ACSM1: variants seen among roughly 807,000 people sequenced by gnomAD.
The protein encoded by ACSM1 is acyl-CoA synthetase medium chain family member 1, also known as acyl-coenzyme A synthetase ACSM1, mitochondrial.
A neutral mutation model predicts 75.8 loss-of-function variants in ACSM1; 79 were observed. The ratio of observed to expected loss-of-function variants is 1.04; its 90% confidence interval spans 0.87 to 1.26. The LOEUF (loss-of-function observed/expected upper bound fraction) is 1.26, where lower values mean the gene tolerates loss of function less well. Among genes scored for constraint, ACSM1 ranks in the 50% most tolerant of loss-of-function variants. The pLI is 0.00. For missense variants in ACSM1, 676 were observed against 720.1 expected, an observed-to-expected ratio of 0.94 and a Z score of 0.70; for synonymous variants, 279 against 265.8, an observed-to-expected ratio of 1.05 and a Z score of -0.48.
At chr16:20,669,296 T>G (rs2019747253) in intron 6 of ACSM1, among the ~76,000 whole-genome samples, 2 of 152,110 alleles carry the variant, frequency 1.3e-5, no homozygotes, top group Non-Finnish European at 2.9e-5. Context: ...GAGGTAGTAA[T>G]TATTAAAAGA....
At chr16:20,655,163 C>G (rs1295016290) in intron 7 of ACSM1, among the ~76,000 whole-genome samples, 1 of 149,168 alleles carries the variant, frequency 6.7e-6, no homozygotes, top group Non-Finnish European at 1.5e-5. Flanking sequence ...AAACCAAACA[C>G]TGCATGTTCT....
chr16:20,635,726 G>A (rs1409809196), intron 10 of ACSM1, among the ~76,000 whole-genome samples: 3 of 151,586 alleles, frequency 2.0e-5, no homozygotes, highest in South Asian at 2.1e-4. Flanking sequence ...TGCAACCTCC[G>A]CCTCCCGGGT....
chr16:20,692,215 G>A (rs2079660648), intron 1 of ACSM1, among the ~76,000 whole-genome samples: 1 of 152,190 alleles, frequency 6.6e-6, no homozygotes, highest in East Asian at 1.9e-4. Flanking sequence ...GAGTGAACCT[G>A]GCCCGTGACA....
rs906549091 is a variant in ACSM1 at position 20,685,184 on chromosome 16, A to C, written c.403+9T>G. ...CCGAGGTCCACCAGGTCCCTCTTGC[A>C]TCACTGACCTGTTCGCATGCAGCCC... is the stretch of plus-strand genomic sequence containing the variant. On this transcript the variant is annotated intron_variant, in intron 3 of 13. Transcript: ENST00000520010. 1 of 1,614,166 alleles carries C rather than the reference A, an allele frequency of 6.2e-7. No homozygotes were observed. Among genetic ancestry groups the C allele is most frequent in the Non-Finnish European group, 8.5e-7 (1 of 1,180,018 alleles).
intron 7 of ACSM1, among the ~76,000 whole-genome samples, chr16:20,654,529 A>T (rs231926): frequency 0.08 from 12,178 of 152,318 alleles, 640 homozygotes; most frequent in East Asian, 0.21. Context: ...TCCAGAATCT[A>T]CAAACAACTC....
rs2018484718 is a variant in ACSM1 at position 20,648,704 on chromosome 16, G to C, written c.993-8120C>G. Among the ~76,000 whole-genome samples the C allele has an allele frequency of 6.6e-6, 1 of 152,102 alleles. No individual in the cohort carries two copies. ...CTAACCCTCTCTTTTATTGATTCCA[G>C]GTCTTTAGATAAACTCAACCAACTG... On this transcript the variant is annotated intron_variant, in intron 7 of 13. Coordinates refer to ENST00000520010, the MANE Select transcript of ACSM1 (RefSeq NM_001318890.3). This position sits in a 1 kb window ranked among gnomAD's most constrained non-coding sequence, Gnocchi z 4.2.
rs200490565 is a variant in ACSM1, at chr16:20,691,107, G to A, written c.82C>T (p.Arg28Cys). The part of the protein sequence containing the change: ...HNIHPAPSQL[R>C]CRSLSEFGAP... ...CCAAATTCTGATAAAGACCGGCAGC[G>A]CAGCTGTGAAGGGGCAGGGTGGATG... is the stretch of plus-strand genomic sequence containing the variant. The change falls in exon 2 of 14, where the codon CGC becomes TGC. Residue 28 changes from arginine (R) to cysteine (C), a missense_variant. Coordinates refer to ENST00000520010, the MANE Select transcript of ACSM1 (RefSeq NM_001318890.3). The A allele has an allele frequency of 5.8e-5, 93 of 1,613,680 alleles. No individual in the cohort carries two copies. The highest frequency in any genetic ancestry group is 2.5e-4 in the East Asian group (11 of 44,846).
intron 7 of ACSM1, among the ~76,000 whole-genome samples, chr16:20,646,198 G>A (rs1013433158): frequency 6.6e-6 from 1 of 152,138 alleles, no homozygotes; most frequent in South Asian, 2.1e-4. Context: ...GAAAAGGCTG[G>A]GCAAATCAAA....
At position 20,633,079 on chromosome 16, in the gene ACSM1, G is replaced by A. The variant is rs2017444616; in HGVS notation, c.1299+3660C>T. Among the ~76,000 whole-genome samples, 5 of 152,240 alleles carry A rather than the reference G, an allele frequency of 3.3e-5. 1 individual carries two copies. In the South Asian group the frequency reaches 1.0e-3, roughly 32 times the overall value. On this transcript the variant is annotated intron_variant, in intron 10 of 13. Coordinates refer to ENST00000520010, the MANE Select transcript of ACSM1 (RefSeq NM_001318890.3). ...ATATTATTCTCAATGGTGAAAGTTG[G>A]AAAGATTTTCTCCTAAGACCAAAAA...
At chr16:20,643,032 G>T (rs1442071006) in intron 7 of ACSM1, among the ~76,000 whole-genome samples, 2 of 152,198 alleles carry the variant, frequency 1.3e-5, no homozygotes, top group East Asian at 3.8e-4. Context: ...TTCTGCTCAT[G>T]GCCCCAGGGT....
At chr16:20,672,756 C>T (rs1402310495) in intron 4 of ACSM1, among the ~76,000 whole-genome samples, 1 of 117,286 alleles carries the variant, frequency 8.5e-6, no homozygotes, top group Non-Finnish European at 1.7e-5. Flanking sequence ...AATATTTATG[C>T]TTATATATAA....
intron 5 of ACSM1, among the ~76,000 whole-genome samples, chr16:20,670,974 AG>A (rs2019863205): frequency 6.6e-6 from 1 of 152,142 alleles, no homozygotes; most frequent in Non-Finnish European, 1.5e-5. Flanking sequence ...AGAGAAGGAG[AG>A]GTTTGGTTTG....
intron 11 of ACSM1, among the ~76,000 whole-genome samples, chr16:20,626,520 C>T (rs2152182398): frequency 6.6e-6 from 1 of 152,036 alleles, no homozygotes; most frequent in Middle Eastern, 3.4e-3. Flanking sequence ...GGATTGCATC[C>T]TGTGCTATCT....
Position 20,640,459 on chromosome 16 carries a change from A to C in ACSM1, c.1116+2T>G. 6.2e-7 allele frequency: 1 copy of C among 1,614,116 alleles called. No homozygotes were observed. ...AGACACTTTCTGGTTTGCACCACCT[A>C]CCGTTTCCGACTGCCCATAGTTCTC... On this transcript the variant is annotated splice_donor_variant, in intron 8 of 13. Transcript: ENST00000520010. LOFTEE classifies it high-confidence loss of function.
At chr16:20,638,126 C>G (rs1159503239) in intron 8 of ACSM1, among the ~76,000 whole-genome samples, 2 of 152,184 alleles carry the variant, frequency 1.3e-5, no homozygotes, top group Non-Finnish European at 2.9e-5. Context: ...TAGCTGCGTG[C>G]TTTACATTCA....
chr16:20,689,865 T>C (rs1347439902), intron 2 of ACSM1, among the ~76,000 whole-genome samples: 1 of 152,138 alleles, frequency 6.6e-6, no homozygotes, highest in East Asian at 1.9e-4. Context: ...AAATAATGGA[T>C]TGTGAAATCA....
chr16:20,690,908 T>G, intron 2 of ACSM1, 89 bp downstream of exon 2: 1 of 1,288,762 alleles, frequency 7.8e-7, no homozygotes, highest in South Asian at 1.4e-5. Context: ...GAAGTAACTT[T>G]GGTTCCATAC....
intron 11 of ACSM1, among the ~76,000 whole-genome samples, chr16:20,626,010 C>CT (rs1177755957): frequency 3.3e-5 from 5 of 151,972 alleles, no homozygotes; most frequent in East Asian, 1.9e-4. Context: ...ACATAATTGC[C>CT]TTTTTTTTCT....
intron 3 of ACSM1, among the ~76,000 whole-genome samples, chr16:20,684,855 G>T (rs1264622132): frequency 6.6e-6 from 1 of 151,620 alleles, no homozygotes; most frequent in Non-Finnish European, 1.5e-5. Context: ...ATGTGTGTTT[G>T]TGTGTGTGTG....
Sources: allele counts gnomAD v4.1 joint callset (sites outside exome capture counted in the v4.1 genomes callset), GRCh38; gene constraint gnomAD v4.1.1; non-coding constraint Gnocchi (gnomAD v3.1); transcripts MANE v1.5; gene names NCBI Gene and HGNC (gene_info 2026-07-23, HGNC 2026-07-21).